CDH6: variants seen among roughly 807,000 people sequenced by gnomAD.
CDH6 encodes the protein cadherin-6.
In CDH6, 31 loss-of-function variants were observed where a neutral mutation model predicts 78.0. That is an observed-to-expected ratio of 0.40 (90% CI 0.30 to 0.54). CDH6 has a LOEUF of 0.54. Ranked by LOEUF, CDH6 falls within the 20% of genes least tolerant of loss-of-function variation. CDH6 has a pLI of 0.56. For missense variants in CDH6, 724 were observed against 975.9 expected (o/e 0.74, Z 3.44); for synonymous variants, 376 against 368.8 (o/e 1.02, Z -0.23).
chr5:31,322,835 G>T lies in CDH6; in HGVS notation c.1900G>T (p.Ala634Ser), dbSNP rs752655489. The T allele has an allele frequency of 3.1e-6, 5 of 1,613,222 alleles. No homozygotes were observed. The South Asian group carries it at 5.5e-5, about 18-fold the overall frequency. ...GCTTCCAGTGACAGTGGTGCTGTTT[G>T]CAGCTCTGAGGCGGCAGCGAAAAAA... is the stretch of plus-strand genomic sequence containing the variant. ...VILLVTVVLF[A>S]ALRRQRKKEP... The change falls in exon 12 of 12, where the codon GCA becomes TCA. Residue 634 changes from alanine (A) to serine (S), a missense_variant. Around this residue, in one of 3 missense-constraint regions of CDH6, gnomAD observed 220 missense variants for 240.6 expected, o/e 0.91. Transcript: ENST00000265071.
chr5:31,288,478 A>G (rs951395424), intron 2 of CDH6, among the ~76,000 whole-genome samples: 11 of 152,184 alleles, frequency 7.2e-5, no homozygotes, highest in African/African-American at 4.8e-5. Flanking sequence ...ACTCTACCCA[A>G]CAAGCTTTTC....
intron 3 of CDH6, among the ~76,000 whole-genome samples, chr5:31,296,273 CTT>C (rs1021970891): frequency 6.6e-6 from 1 of 152,100 alleles, no homozygotes; most frequent in Non-Finnish European, 1.5e-5. Flanking sequence ...ATCCGAGACT[CTT>C]ATCCTTTCGG....
chr5:31,200,168 TGTA>T (rs1165588433), intron 1 of CDH6, among the ~76,000 whole-genome samples: 1 of 152,172 alleles, frequency 6.6e-6, no homozygotes, highest in African/African-American at 2.4e-5. Flanking sequence ...AATTTATAAT[TGTA>T]GTAGAAAGCA....
At chr5:31,199,651 GTGTA>G (rs1456121394) in intron 1 of CDH6, among the ~76,000 whole-genome samples, 2 of 124,964 alleles carry the variant, frequency 1.6e-5, no homozygotes, top group African/African-American at 5.8e-5. Context: ...TTGTGTGTGT[GTGTA>G]TGTGTGTGTG....
intron 1 of CDH6, among the ~76,000 whole-genome samples, chr5:31,252,450 T>C (rs183580463): frequency 6.6e-6 from 1 of 152,166 alleles, no homozygotes. Context: ...CAATTGCTAA[T>C]CAAATAATCC....
chr5:31,290,306 G>T (rs1218155407), intron 2 of CDH6, among the ~76,000 whole-genome samples: 2 of 152,102 alleles, frequency 1.3e-5, no homozygotes, highest in African/African-American at 4.8e-5. Flanking sequence ...AACAGACAAA[G>T]ACCAAGAGCT....
intron 1 of CDH6, among the ~76,000 whole-genome samples, chr5:31,194,721 G>A (rs1216107161): frequency 6.6e-6 from 1 of 152,098 alleles, no homozygotes; most frequent in Non-Finnish European, 1.5e-5. Context: ...GTTGGAGTGC[G>A]CTTGGTTTTC....
intron 1 of CDH6, among the ~76,000 whole-genome samples, chr5:31,223,245 G>A (rs1741051285): frequency 6.6e-6 from 1 of 152,208 alleles, no homozygotes; most frequent in Admixed American, 6.5e-5. Flanking sequence ...CAGTTTCACA[G>A]TGGCGGATAA....
At chr5:31,197,815 G>A (rs1740211950) in intron 1 of CDH6, among the ~76,000 whole-genome samples, 1 of 152,120 alleles carries the variant, frequency 6.6e-6, no homozygotes, top group South Asian at 2.1e-4. Flanking sequence ...ATGAGTGCTT[G>A]AAGCACTTTA....
chr5:31,239,645 T>C (rs1741543906), intron 1 of CDH6, among the ~76,000 whole-genome samples: 1 of 152,178 alleles, frequency 6.6e-6, no homozygotes, highest in Non-Finnish European at 1.5e-5. Context: ...TATAACAAAA[T>C]GTGTGACCTG....
chr5:31,198,936 T>C (rs1740244001), intron 1 of CDH6, among the ~76,000 whole-genome samples: 1 of 152,108 alleles, frequency 6.6e-6, no homozygotes, highest in South Asian at 2.1e-4. Flanking sequence ...TGGAGGAATA[T>C]CTTTTTCAAA....
In CDH6 at chr5:31,322,871, A is replaced by C; in HGVS notation, c.1936A>C (p.Ile646Leu). 6.2e-7 allele frequency: 1 copy of C among 1,614,134 alleles called. No individual in the cohort carries two copies. Among genetic ancestry groups the C allele is most frequent in the East Asian group, 2.2e-5 (1 of 44,882 alleles). The stretch of plus-strand genomic sequence containing the variant: ...GCGGCAGCGAAAAAAAGAGCCTTTG[A>C]TCATTTCCAAAGAGGACATCAGAGA... Reference protein sequence around the residue: ...LRRQRKKEPLIISKEDIRDNI... With the variant: ...LRRQRKKEPLLISKEDIRDNI... Residue 646 changes from isoleucine to leucine, a missense_variant, in exon 12 of 12, where the codon ATC becomes CTC. Ile to Leu is a conservative substitution (Grantham distance 5, BLOSUM62 2). Transcript: ENST00000265071.
At position 31,234,046 on chromosome 5, in the gene CDH6, A is replaced by T. The variant is rs1741388236; in HGVS notation, c.-128-33300A>T. On this transcript the variant is annotated intron_variant, in intron 1 of 11. Transcript: ENST00000265071. ...AATTGTGATAATAGTCTATATCTCAAATACATTTTTTTCATAATGTTTTTC... is the reference window on the plus strand; with the variant it reads ...AATTGTGATAATAGTCTATATCTCATATACATTTTTTTCATAATGTTTTTC... Among the ~76,000 whole-genome samples the T allele has an allele frequency of 9.1e-4, 3 of 3,308 alleles. No individual in the cohort carries two copies. The Non-Finnish European group carries it at 0.011, about 12-fold the overall frequency. The allele number at this position is 3,308 out of a possible 152,430, so 2.2% of individuals were successfully genotyped here.
chr5:31,267,462 G>A lies in CDH6; in HGVS notation c.-12G>A. On this transcript the variant is annotated 5_prime_UTR_variant, in exon 2 of 12. Coordinates refer to ENST00000265071, the MANE Select transcript of CDH6 (RefSeq NM_004932.4). ...GGCACTCACTACGCACAGACTCGAC[G>A]GTGCCATCAGCATGAGAACTTACCG... 6 of 1,606,826 alleles carry A rather than the reference G, an allele frequency of 3.7e-6. No homozygotes were observed. The highest frequency in any genetic ancestry group is 5.1e-6 in the Non-Finnish European group (6 of 1,173,450).
At chr5:31,253,057 T>A (rs1410442494) in intron 1 of CDH6, among the ~76,000 whole-genome samples, 1 of 152,190 alleles carries the variant, frequency 6.6e-6, no homozygotes, top group African/African-American at 2.4e-5. Context: ...AACTAGGAAG[T>A]CCAAGATCAA....
chr5:31,267,451 A>G lies in CDH6; in HGVS notation c.-23A>G, dbSNP rs749811705. 2 of 1,593,876 alleles carry G rather than the reference A, an allele frequency of 1.3e-6. No individual in the cohort carries two copies. Among genetic ancestry groups the G allele is most frequent in the African/African-American group, 1.3e-5 (1 of 74,640 alleles). On this transcript the variant is annotated 5_prime_UTR_variant, in exon 2 of 12. Transcript: ENST00000265071. ...TCCAAGAGTGGGGCACTCACTACGCACAGACTCGACGGTGCCATCAGCATG... is the reference window on the plus strand; with the variant it reads ...TCCAAGAGTGGGGCACTCACTACGCGCAGACTCGACGGTGCCATCAGCATG...
At chr5:31,272,950 C>T (rs937797375) in intron 2 of CDH6, among the ~76,000 whole-genome samples, 5 of 152,070 alleles carry the variant, frequency 3.3e-5, no homozygotes, top group African/African-American at 1.2e-4. Context: ...CTATTTGAGG[C>T]CTTAATGTAC....
intron 2 of CDH6, among the ~76,000 whole-genome samples, chr5:31,269,642 C>T (rs889118249): frequency 2.0e-5 from 3 of 152,186 alleles, no homozygotes; most frequent in East Asian, 1.9e-4. Context: ...CCATGTGCAA[C>T]ACATTGAAGT....
At chr5:31,237,522 C>G (rs1019254314) in intron 1 of CDH6, among the ~76,000 whole-genome samples, 8 of 152,162 alleles carry the variant, frequency 5.3e-5, no homozygotes, top group African/African-American at 1.4e-4. Flanking sequence ...TCCTCACCAA[C>G]AGTAATAAAT....
Sources: allele counts gnomAD v4.1 joint callset (sites outside exome capture counted in the v4.1 genomes callset), GRCh38; gene constraint gnomAD v4.1.1; regional missense constraint gnomAD v4.1.1; transcripts MANE v1.5; gene names NCBI Gene and HGNC (gene_info 2026-07-23, HGNC 2026-07-21).